NOTCH1: variants seen among roughly 807,000 people sequenced by gnomAD.
NOTCH1 encodes neurogenic locus notch homolog protein 1.
A neutral mutation model predicts 254.8 loss-of-function variants in NOTCH1; 37 were observed. The observed-to-expected ratio is 0.15, with a 90% CI of 0.11 to 0.19. The LOEUF (loss-of-function observed/expected upper bound fraction) is 0.19, where lower values mean the gene tolerates loss of function less well. NOTCH1 is among the 10% of genes least tolerant of loss of function. NOTCH1 has a pLI of 1.00. For synonymous variants in NOTCH1, 1,731 were observed against 1,618.1 expected, an observed-to-expected ratio of 1.07 and a Z score of -1.68; for missense variants, 2,972 against 3,708.6, an observed-to-expected ratio of 0.80 and a Z score of 5.16.
chr9:136,497,949 G>C (rs1369353804), intron 33 of NOTCH1, among the ~76,000 whole-genome samples: 1 of 152,220 alleles, frequency 6.6e-6, no homozygotes, highest in South Asian at 2.1e-4. Context: ...CAGGGAGGGA[G>C]CTCGTCATCT....
intron 2 of NOTCH1, among the ~76,000 whole-genome samples, chr9:136,541,368 G>A (rs143794646): frequency 0.01 from 1,554 of 152,330 alleles, 9 homozygotes; most frequent in South Asian, 0.027. Flanking sequence ...GTACTAGTGA[G>A]CCAGGCACTG....
Position 136,501,439 on chromosome 9 carries a change from CAAAAAAAAAAGAA to C in NOTCH1, c.5638+296_5638+308del, listed in dbSNP as rs1371162148. ...ACGGAGCGAGACTCCATCTCAAAAACAAAAAAAAAAGAAAAAAAAAAAGAAAAAGAAAATCAAC... is the reference window on the plus strand; with the variant it reads ...ACGGAGCGAGACTCCATCTCAAAAACAAAAAAAAAGAAAAAGAAAATCAAC... On this transcript the variant is annotated intron_variant, in intron 30 of 33. Coordinates refer to ENST00000651671, the MANE Select transcript of NOTCH1 (RefSeq NM_017617.5). 9.4e-5 allele frequency among the ~76,000 whole-genome samples: 5 copies of C among 53,250 alleles called. No individual in the cohort carries two copies. In the East Asian group the frequency reaches 2.2e-3, roughly 24 times the overall value. 34.9% of individuals were successfully genotyped at this position (53,250 alleles called of 152,430 possible).
At position 136,495,454 on chromosome 9, in the gene NOTCH1, A is replaced by C. The variant is rs1415936263; in HGVS notation, c.*617T>G. 2.5e-6 allele frequency: 1 copy of C among 399,444 alleles called. No individual in the cohort carries two copies. The highest frequency in any genetic ancestry group is 4.4e-6 in the Non-Finnish European group (1 of 226,548). The allele number at this position is 399,444 out of a possible 1,614,324, so 24.7% of individuals were successfully genotyped here. On this transcript the variant is annotated 3_prime_UTR_variant, in exon 34 of 34. Transcript: ENST00000651671. ...CATCTAAAACACATGGCAACATCTAACCCATATGCTTTCACTTGTTTCCTA... is the reference window on the plus strand; with the variant it reads ...CATCTAAAACACATGGCAACATCTACCCCATATGCTTTCACTTGTTTCCTA...
At position 136,509,897 on chromosome 9, in the gene NOTCH1, G is replaced by A. The variant is rs200332386; in HGVS notation, c.2805C>T (p.Pro935=). Residue 935 remains proline (P), a synonymous_variant, in exon 18 of 34, where the codon CCC becomes CCT. Transcript: ENST00000651671. ...GINTAFCDCL[P]GFRGTFCEED... ...CCTCACAGAAAGTGCCCCGGAAGCCGGGCAGGCAGTCGCAGAAGGCCGTGT... is the reference window on the plus strand; with the variant it reads ...CCTCACAGAAAGTGCCCCGGAAGCCAGGCAGGCAGTCGCAGAAGGCCGTGT... The A allele has an allele frequency of 1.9e-4, 301 of 1,613,120 alleles. No homozygotes were observed. The highest frequency in any genetic ancestry group is 2.4e-4 in the Non-Finnish European group (279 of 1,180,024).
rs952947093 is a variant in NOTCH1, at chr9:136,507,526, C to T, written c.3511-89G>A. On this transcript the variant is annotated intron_variant, in intron 21 of 33. Coordinates refer to ENST00000651671, the MANE Select transcript of NOTCH1 (RefSeq NM_017617.5). ...ACCCCACTGTGAGGGCTGACAGGGC[C>T]ACATGAGCTGCCCTCAGGTCCAGCG... is the stretch of plus-strand genomic sequence containing the variant. 5 of 1,522,696 alleles carry T rather than the reference C, an allele frequency of 3.3e-6. No homozygotes were observed. The East Asian group carries it at 1.2e-4, about 37-fold the overall frequency. 94.3% of individuals were successfully genotyped at this position (1,522,696 alleles called of 1,614,324 possible).
Position 136,496,968 on chromosome 9 carries a change from C to T in NOTCH1, c.6771G>A (p.Ala2257=), listed in dbSNP as rs773740881. Residue 2257 remains alanine (A), a synonymous_variant, in exon 34 of 34, where the codon GCG becomes GCA. Coordinates refer to ENST00000651671, the MANE Select transcript of NOTCH1 (RefSeq NM_017617.5). ...LNVAAKPEMA[A]LGGGGRLAFE... ...AGGCCAGCCGGCCGCCCCCACCCAG[C>T]GCCGCCATCTCGGGCTTGGCCGCCA... 10 of 1,610,610 alleles carry T rather than the reference C, an allele frequency of 6.2e-6. No individual in the cohort carries two copies. The Admixed American group carries it at 6.7e-5, about 11-fold the overall frequency.
intron 6 of NOTCH1, 141 bp from the exon 7 acceptor site, chr9:136,518,433 G>A: frequency 4.1e-6 from 5 of 1,210,988 alleles, no homozygotes; most frequent in South Asian, 1.3e-5. Flanking sequence ...CACTTGGGAC[G>A]TTCCGGGGGA....
chr9:136,495,730 T>C lies in NOTCH1; in HGVS notation c.*341A>G, dbSNP rs1368283156. 1.5e-5 allele frequency: 6 copies of C among 409,702 alleles called. No homozygotes were observed. Among genetic ancestry groups the C allele is most frequent in the Non-Finnish European group, 2.6e-5 (6 of 232,042 alleles). 25.4% of individuals were successfully genotyped at this position (409,702 alleles called of 1,614,324 possible). On this transcript the variant is annotated 3_prime_UTR_variant, in exon 34 of 34. Transcript: ENST00000651671. ...AAAAGGAATCAATAAATAAATGGCA[T>C]TTATAAATCATGAATCTTTGTTTAT...
chr9:136,502,218 G>A (rs1196775006), intron 28 of NOTCH1, 54 bp downstream of exon 28: 116 of 1,582,662 alleles, frequency 7.3e-5, no homozygotes, highest in East Asian at 2.3e-5. Flanking sequence ...GAGGATGCTC[G>A]GCCAGGTCCC....
At chr9:136,521,025 G>A (rs2133374902) in intron 4 of NOTCH1, among the ~76,000 whole-genome samples, 1 of 152,302 alleles carries the variant, frequency 6.6e-6, no homozygotes, top group South Asian at 2.1e-4. Context: ...CCAGTTCCCG[G>A]GCCTGCAGAG....
chr9:136,505,962 G>T, intron 24 of NOTCH1, 81 bp from the exon 25 acceptor site: 1 of 1,274,180 alleles, frequency 7.8e-7, no homozygotes, highest in Non-Finnish European at 1.1e-6. Flanking sequence ...CCCTCGGCCA[G>T]CAGTGCCACC....
intron 2 of NOTCH1, among the ~76,000 whole-genome samples, chr9:136,529,919 C>A (rs924107947): frequency 6.6e-6 from 1 of 152,230 alleles, no homozygotes; most frequent in African/African-American, 2.4e-5. Flanking sequence ...CCAGCCACCA[C>A]CTGCGGTCCC....
At chr9:136,510,866 AGGCT>A in intron 16 of NOTCH1, 61 bp from the exon 17 acceptor site, 1 of 1,596,202 alleles carries the variant, frequency 6.3e-7, no homozygotes, top group Non-Finnish European at 8.5e-7. Context: ...GGCCCTTCCC[AGGCT>A]GGCCCACCCA....
At chr9:136,517,996 AC>A in intron 7 of NOTCH1, 59 bp from the exon 8 acceptor site, 10 of 1,589,916 alleles carry the variant, frequency 6.3e-6, no homozygotes, top group Non-Finnish European at 8.5e-6. Flanking sequence ...GCAACACCTC[AC>A]TGCACACCAC....
At chr9:136,503,044 GA>G (rs1843025334) in intron 27 of NOTCH1, 137 bp downstream of exon 27, 3 of 1,308,694 alleles carry the variant, frequency 2.3e-6, no homozygotes, top group Middle Eastern at 3.6e-4. Context: ...GAAAATTCCA[GA>G]AAAGCCCTAC....
intron 4 of NOTCH1, 162 bp from the exon 5 acceptor site, chr9:136,519,727 G>A (rs1843337075): frequency 1.1e-6 from 1 of 926,048 alleles, no homozygotes; most frequent in Non-Finnish European, 1.8e-6. Context: ...AGTGCCCAGA[G>A]GGACACGCCC....
In NOTCH1 at chr9:136,516,113, GGGGA is replaced by G. The variant is rs1375225950; in HGVS notation, c.1556-23_1556-20del. On this transcript the variant is annotated intron_variant, in intron 9 of 33. Coordinates refer to ENST00000651671, the MANE Select transcript of NOTCH1 (RefSeq NM_017617.5). ...GTGAAGCCTGGGGCCGGGGAGGGGA[GGGGA>G]GGGAGTCATGTGCAACAGCACTATG... The G allele has an allele frequency of 3.8e-6, 6 of 1,568,730 alleles. No homozygotes were observed. The highest frequency in any genetic ancestry group is 1.3e-5 in the African/African-American group (1 of 74,148).
Position 136,503,279 on chromosome 9 carries a change from C to T in NOTCH1, c.5070G>A (p.Ser1690=), listed in dbSNP as rs370200858. The change falls in exon 27 of 34, where the codon TCG becomes TCA. Residue 1690 remains serine (S), a synonymous_variant. Coordinates refer to ENST00000651671, the MANE Select transcript of NOTCH1 (RefSeq NM_017617.5). ...IDNRQCVQAS[S]QCFQSATDVA... is the part of the protein sequence containing the mutation. Reference sequence around the variant, plus strand: ...CGTCGGTGGCACTCTGGAAGCACTGCGAGGAGGCCTGCACACACTGCCGGT... The same window carrying T: ...CGTCGGTGGCACTCTGGAAGCACTGTGAGGAGGCCTGCACACACTGCCGGT... 1.6e-5 allele frequency: 26 copies of T among 1,612,896 alleles called. No individual in the cohort carries two copies. The highest frequency in any genetic ancestry group is 1.3e-4 in the African/African-American group (10 of 74,922).
At position 136,509,881 on chromosome 9, in the gene NOTCH1, A is replaced by G. The variant is rs755262212; in HGVS notation, c.2821T>C (p.Phe941Leu). Residue 941 changes from phenylalanine to leucine, a missense_variant, in exon 18 of 34, where the codon TTC (phenylalanine) becomes CTC (leucine). Transcript: ENST00000651671. ...CDCLPGFRGT[F>L]CEEDINECAS... The stretch of plus-strand genomic sequence containing the variant: ...CACTCGTTGATGTCCTCCTCACAGA[A>G]AGTGCCCCGGAAGCCGGGCAGGCAG... 1.2e-6 allele frequency: 2 copies of G among 1,613,150 alleles called. No individual in the cohort carries two copies. Among genetic ancestry groups the G allele is most frequent in the South Asian group, 2.2e-5 (2 of 91,086 alleles).
Sources: allele counts gnomAD v4.1 joint callset (sites outside exome capture counted in the v4.1 genomes callset), GRCh38; gene constraint gnomAD v4.1.1; transcripts MANE v1.5; gene names NCBI Gene and HGNC (gene_info 2026-07-23, HGNC 2026-07-21).